The following GPHN variants were observed in gnomAD, a reference collection of about 807,000 sequenced individuals.
GPHN encodes the protein gephyrin.
GPHN carries 17 observed loss-of-function variants against 95.5 expected under a neutral mutation model. That is an observed-to-expected ratio of 0.18 (90% CI 0.12 to 0.27). The LOEUF is 0.27. GPHN is among the 10% of genes least tolerant of loss of function. GPHN has a pLI of 1.00. For synonymous variants in GPHN, 320 were observed against 322.5 expected (o/e 0.99, Z 0.08); for missense variants, 660 against 978.1 (o/e 0.67, Z 4.34).
the GPHN span, among the ~76,000 whole-genome samples, chr14:67,621,330 T>G: frequency 6.6e-6 from 1 of 152,200 alleles, no homozygotes; most frequent in South Asian, 2.1e-4. Context: ...CTCGCCAGTT[T>G]TCTGTCTTCA....
the GPHN span, chr14:67,733,781 G>T: frequency 6.2e-7 from 1 of 1,613,378 alleles, no homozygotes; most frequent in South Asian, 1.1e-5. Flanking sequence ...CCAAGGGCCC[G>T]AAATAACAAA....
At chr14:66,738,869 T>C (rs2072529957) in intron 2 of GPHN, among the ~76,000 whole-genome samples, 1 of 152,150 alleles carries the variant, frequency 6.6e-6, no homozygotes, top group South Asian at 2.1e-4. Context: ...CCTCATGAAA[T>C]CATTTTAATA....
chr14:67,730,938 G>A, the GPHN span, among the ~76,000 whole-genome samples: 1 of 151,688 alleles, frequency 6.6e-6, no homozygotes, highest in African/African-American at 2.4e-5. Flanking sequence ...TCAACCTATA[G>A]TATAAAAAAA....
chr14:67,391,924 G>A, the GPHN span, among the ~76,000 whole-genome samples: 6 of 152,164 alleles, frequency 3.9e-5, no homozygotes, highest in Non-Finnish European at 7.3e-5. Context: ...TCAAGGAGGC[G>A]TGCAGAATCT....
chr14:66,976,812 C>T (rs1464677885), intron 9 of GPHN, among the ~76,000 whole-genome samples: 1 of 149,928 alleles, frequency 6.7e-6, no homozygotes, highest in Non-Finnish European at 1.5e-5. Context: ...GGGTTGACAA[C>T]CTCAAAGAGC....
the GPHN span, chr14:67,582,116 T>C: frequency 1.2e-6 from 2 of 1,613,432 alleles, no homozygotes; most frequent in Non-Finnish European, 1.7e-6. This position sits in a 1 kb window ranked among gnomAD's most constrained non-coding sequence, Gnocchi z 5.0. Context: ...CGAGAACGGC[T>C]GCTCCTTGCC....
At chr14:67,600,141 G>A in the GPHN span, 2 of 1,594,244 alleles carry the variant, frequency 1.3e-6, no homozygotes, top group Non-Finnish European at 1.7e-6. Context: ...ACGGGGAGTA[G>A]TAGCGGCGCT....
At chr14:67,659,783 C>T in the GPHN span, 1 of 1,613,980 alleles carries the variant, frequency 6.2e-7, no homozygotes, top group Non-Finnish European at 8.5e-7. Context: ...TCCTCGGCCT[C>T]CAGGTGTGGC....
chr14:67,393,532 T>G, the GPHN span, among the ~76,000 whole-genome samples: 1 of 152,210 alleles, frequency 6.6e-6, no homozygotes, highest in South Asian at 2.1e-4. Context: ...CGGCTAACTG[T>G]GACCTCCGCC....
chr14:67,604,722 CA>C, the GPHN span, among the ~76,000 whole-genome samples: 1 of 114,458 alleles, frequency 8.7e-6, no homozygotes, highest in Non-Finnish European at 1.8e-5. Context: ...ACAACAACAA[CA>C]AAAAAAACTT....
At chr14:67,272,295 C>CT in the GPHN span, among the ~76,000 whole-genome samples, 1 of 152,156 alleles carries the variant, frequency 6.6e-6, no homozygotes, top group Non-Finnish European at 1.5e-5. Flanking sequence ...CTTATTTGTA[C>CT]TTTCCCCTCA....
At chr14:67,037,934 T>C (rs1282500132) in intron 10 of GPHN, among the ~76,000 whole-genome samples, 1 of 151,964 alleles carries the variant, frequency 6.6e-6, no homozygotes, top group Non-Finnish European at 1.5e-5. Flanking sequence ...TCATATGATC[T>C]GTCAGTCTCA....
At chr14:67,570,061 T>C in the GPHN span, 7 of 1,250,584 alleles carry the variant, frequency 5.6e-6, no homozygotes, top group Non-Finnish European at 8.0e-6. Flanking sequence ...GAAAGGCCCC[T>C]GGCCTCATCA....
the GPHN span, among the ~76,000 whole-genome samples, chr14:67,526,546 C>T: frequency 6.6e-6 from 1 of 152,254 alleles, no homozygotes; most frequent in Non-Finnish European, 1.5e-5. Context: ...TTCTAGCCCC[C>T]TTCCCTGAAA....
the GPHN span, chr14:67,587,067 C>G: frequency 6.3e-7 from 1 of 1,588,344 alleles, no homozygotes; most frequent in Admixed American, 1.8e-5. Flanking sequence ...CTCTGACCTC[C>G]TCTTAGATTG....
At chr14:67,722,599 C>T in the GPHN span, 1 of 1,563,950 alleles carries the variant, frequency 6.4e-7, no homozygotes, top group Non-Finnish European at 8.8e-7. Context: ...GGGGTTGAAG[C>T]TGGAGCAGCA....
chr14:67,012,628 C>T (rs1488597107), intron 9 of GPHN, among the ~76,000 whole-genome samples: 1 of 152,146 alleles, frequency 6.6e-6, no homozygotes, highest in African/African-American at 2.4e-5. Flanking sequence ...TCACTTTCAT[C>T]ATTACCAGAA....
At chr14:66,703,068 T>C (rs549284378) in intron 2 of GPHN, among the ~76,000 whole-genome samples, 1 of 152,094 alleles carries the variant, frequency 6.6e-6, no homozygotes, top group East Asian at 1.9e-4. Flanking sequence ...GTTGCTGAAA[T>C]AAGGCATGCA....
chr14:66,989,953 G>A (rs1465218233), intron 9 of GPHN, among the ~76,000 whole-genome samples: 5 of 152,092 alleles, frequency 3.3e-5, no homozygotes, highest in Non-Finnish European at 5.9e-5. Context: ...ACACACACAA[G>A]AACAAGTGTA....
Sources: allele counts gnomAD v4.1 joint callset (sites outside exome capture counted in the v4.1 genomes callset), GRCh38; gene constraint gnomAD v4.1.1; non-coding constraint Gnocchi (gnomAD v3.1); transcripts MANE v1.5; gene names NCBI Gene and HGNC (gene_info 2026-07-23, HGNC 2026-07-21).